The following DGLUCY variants were observed in gnomAD, a reference collection of about 807,000 sequenced individuals.
DGLUCY encodes D-glutamate cyclase.
A neutral mutation model predicts 58.5 loss-of-function variants in DGLUCY; 58 were observed. That is an observed-to-expected ratio of 0.99 (90% CI 0.80 to 1.23). DGLUCY has a LOEUF of 1.23. Ranked by LOEUF, DGLUCY falls within the 50% of genes most tolerant of loss-of-function variation. The pLI, the probability that DGLUCY is intolerant of heterozygous loss-of-function variation, is 0.00. For missense variants in DGLUCY, 779 were observed against 784.7 expected (o/e 0.99, Z 0.09); for synonymous variants, 325 against 314.1 (o/e 1.03, Z -0.37).
At chr14:91,078,386 A>G (rs761221170) in intron 1 of DGLUCY, among the ~76,000 whole-genome samples, 25 of 152,312 alleles carry the variant, frequency 1.6e-4, no homozygotes, top group South Asian at 6.2e-4. Flanking sequence ...TTTACTTTCA[A>G]GGAACTTGGT....
chr14:91,153,680 GA>G (rs2047445053), intron 1 of DGLUCY, among the ~76,000 whole-genome samples: 1 of 152,170 alleles, frequency 6.6e-6, no homozygotes, highest in South Asian at 2.1e-4. Flanking sequence ...ATGGTGTGAT[GA>G]GCACTGCCTG....
At chr14:91,104,443 A>C (rs968105445), upstream of DGLUCY, among the ~76,000 whole-genome samples, 1 of 152,128 alleles carries the variant, frequency 6.6e-6, no homozygotes, top group Non-Finnish European at 1.5e-5. Context: ...ACTGCTGAAC[A>C]TCTACAATGC....
intron 7 of DGLUCY, among the ~76,000 whole-genome samples, chr14:91,176,558 C>T (rs1456627166): frequency 1.3e-5 from 2 of 152,242 alleles, no homozygotes; most frequent in East Asian, 3.9e-4. Flanking sequence ...GCTGGATCTC[C>T]TTACCAGAGC....
upstream of DGLUCY, among the ~76,000 whole-genome samples, chr14:91,112,996 TAAAAA>T (rs10715930): frequency 2.9e-3 from 202 of 70,190 alleles, no homozygotes; most frequent in Non-Finnish European, 4.4e-3. Flanking sequence ...AGACTACATC[TAAAAA>T]AAAAAAAAAA....
intron 1 of DGLUCY, among the ~76,000 whole-genome samples, chr14:91,121,540 T>G (rs1452702708): frequency 2.0e-5 from 3 of 151,518 alleles, no homozygotes; most frequent in Non-Finnish European, 4.4e-5. Flanking sequence ...AATACAAAAA[T>G]TAGCCAGATG....
At position 91,201,019 on chromosome 14, in the gene DGLUCY, C is replaced by G. The variant is rs1422967608; in HGVS notation, c.1444+1114C>G. Among the ~76,000 whole-genome samples the G allele has an allele frequency of 3.3e-5, 5 of 151,992 alleles. No homozygotes were observed. The East Asian group carries it at 9.7e-4, about 29-fold the overall frequency. On this transcript the variant is annotated intron_variant, in intron 11 of 13. Coordinates refer to ENST00000256324, the MANE Select transcript of DGLUCY (RefSeq NM_001102368.3). The stretch of plus-strand genomic sequence containing the variant: ...GGGGGAGGATATTACAAAGTACCTT[C>G]TCAAGGGTGGGGAGGGTGTATCTTA...
intron 1 of DGLUCY, among the ~76,000 whole-genome samples, chr14:91,072,606 TA>T (rs1455955928): frequency 6.7e-6 from 1 of 150,038 alleles, no homozygotes; most frequent in Admixed American, 6.7e-5. Flanking sequence ...TCAGATGACA[TA>T]TACCAAATAT....
At chr14:91,164,347 A>C (rs1249643210) in intron 3 of DGLUCY, among the ~76,000 whole-genome samples, 1 of 152,228 alleles carries the variant, frequency 6.6e-6, no homozygotes, top group African/African-American at 2.4e-5. Flanking sequence ...CAGCTCTGTC[A>C]CCTGGAGACA....
At chr14:91,062,847 T>G (rs1051845293) in intron 1 of DGLUCY, among the ~76,000 whole-genome samples, 1 of 151,916 alleles carries the variant, frequency 6.6e-6, no homozygotes, top group African/African-American at 2.4e-5. Context: ...TCATGTGCTA[T>G]TTGGAGCCAG....
upstream of DGLUCY, among the ~76,000 whole-genome samples, chr14:91,109,894 T>C (rs995085582): frequency 1.3e-5 from 2 of 152,212 alleles, no homozygotes; most frequent in Non-Finnish European, 2.9e-5. Flanking sequence ...GGCTTTCATA[T>C]CTAATTCAGG....
chr14:91,211,189 A>G (rs953326498), intron 12 of DGLUCY, among the ~76,000 whole-genome samples: 3 of 152,242 alleles, frequency 2.0e-5, no homozygotes, highest in Non-Finnish European at 2.9e-5. Context: ...AAAAAGAACT[A>G]TATCAATGGA....
rs1370374862 is a variant in DGLUCY, at chr14:91,060,506, G to T, written c.-280G>T. The T allele has an allele frequency of 4.0e-6, 5 of 1,254,598 alleles. No individual in the cohort carries two copies. The African/African-American group carries it at 6.2e-5, about 16-fold the overall frequency. The allele number at this position is 1,254,598 out of a possible 1,614,324, so 77.7% of individuals were successfully genotyped here. On this transcript the variant is annotated 5_prime_UTR_variant, in exon 1 of 5. Coordinates refer to the DGLUCY transcript ENST00000521334. ...GGAGACAGCGGACGCCCGTCCCCTC[G>T]CAGCCGCTGCCGCGGCCCCAGGAGT...
At chr14:91,211,992 G>C (rs1022184681) in intron 12 of DGLUCY, among the ~76,000 whole-genome samples, 2 of 152,080 alleles carry the variant, frequency 1.3e-5, no homozygotes, top group Non-Finnish European at 2.9e-5. Context: ...TAATAGAGAC[G>C]GGGTTTCACC....
intron 1 of DGLUCY, among the ~76,000 whole-genome samples, chr14:91,070,633 G>T (rs1180892949): frequency 1.3e-5 from 2 of 152,142 alleles, no homozygotes; most frequent in African/African-American, 4.8e-5. Context: ...AGACAGGAAA[G>T]CCACTTTGGA....
At chr14:91,204,964 G>T in intron 12 of DGLUCY, 139 bp downstream of exon 12, 1 of 1,126,904 alleles carries the variant, frequency 8.9e-7, no homozygotes, top group Non-Finnish European at 1.3e-6. Flanking sequence ...GTGGTGCTCA[G>T]CCTATGACCT....
chr14:91,095,631 T>A (rs2140073145), intron 1 of DGLUCY, among the ~76,000 whole-genome samples: 1 of 152,276 alleles, frequency 6.6e-6, no homozygotes, highest in African/African-American at 2.4e-5. Context: ...GAGAAGCTAT[T>A]CCCAAGGCAA....
chr14:91,220,120 TA>T (rs1887216702), intron 13 of DGLUCY, among the ~76,000 whole-genome samples: 2 of 152,192 alleles, frequency 1.3e-5, no homozygotes, highest in Admixed American at 6.5e-5. Flanking sequence ...AAGTCCTTTG[TA>T]AAAACATCGG....
At chr14:91,093,788 G>A (rs2044349909) in intron 1 of DGLUCY, among the ~76,000 whole-genome samples, 1 of 145,048 alleles carries the variant, frequency 6.9e-6, no homozygotes, top group African/African-American at 2.5e-5. Context: ...CTGGGTGACA[G>A]AGCAACAAAA....
chr14:91,183,054 C>CGATCTTG, intron 8 of DGLUCY, among the ~76,000 whole-genome samples: 1 of 151,342 alleles, frequency 6.6e-6, no homozygotes, highest in South Asian at 2.1e-4. Flanking sequence ...TGCAGTGATG[C>CGATCTTG]GATCTTGGCT....
Sources: gnomAD v4.1 joint callset for allele counts (sites outside exome capture counted in the v4.1 genomes callset) on GRCh38, gnomAD v4.1.1 for gene constraint, MANE v1.5 for transcripts, NCBI Gene and HGNC (gene_info 2026-07-23, HGNC 2026-07-21) for gene names.